The following LPP variants were observed in gnomAD, a reference collection of about 807,000 sequenced individuals.
The protein encoded by LPP is LIM domain containing preferred translocation partner in lipoma.
Under a neutral mutation model 60.4 loss-of-function variants are expected in LPP, and 38 were observed. The ratio of observed to expected loss-of-function variants is 0.63; its 90% CI spans 0.49 to 0.83. LPP has a LOEUF of 0.83. Among genes scored for constraint, LPP ranks in the 40% least tolerant of loss-of-function variants. The pLI is 0.00. For synonymous variants in LPP, 328 were observed against 290.8 expected, an observed-to-expected ratio of 1.13 and a Z score of -1.30; for missense variants, 902 against 783.6, an observed-to-expected ratio of 1.15 and a Z score of -1.80.
At chr3:188,215,713 A>C (rs1294454223) in intron 1 of LPP, among the ~76,000 whole-genome samples, 1 of 152,234 alleles carries the variant, frequency 6.6e-6, no homozygotes, top group East Asian at 1.9e-4. Context: ...GAAGAACAGC[A>C]ACCAGAGACT....
At chr3:188,617,914 G>T (rs1845154369) in intron 7 of LPP, among the ~76,000 whole-genome samples, 1 of 152,006 alleles carries the variant, frequency 6.6e-6, no homozygotes, top group Non-Finnish European at 1.5e-5. Context: ...ATTCCTTTGG[G>T]AATCTCATTT....
intron 5 of LPP, among the ~76,000 whole-genome samples, chr3:188,495,064 T>TATATATATATATATATATATATA (rs1809541137): frequency 1.9e-5 from 1 of 53,880 alleles, no homozygotes; most frequent in Non-Finnish European, 3.3e-5. Context: ...GTTCAGGATT[T>TATATATATATATATATATATATA]TATATATATA....
chr3:188,777,536 C>T (rs1395422133), intron 9 of LPP, among the ~76,000 whole-genome samples: 1 of 152,144 alleles, frequency 6.6e-6, no homozygotes, highest in Non-Finnish European at 1.5e-5. Flanking sequence ...TATGCACTGT[C>T]TTTGGAGATT....
intron 4 of LPP, among the ~76,000 whole-genome samples, chr3:188,408,323 C>G (rs181399565): frequency 6.6e-6 from 1 of 152,206 alleles, no homozygotes; most frequent in African/African-American, 2.4e-5. Flanking sequence ...TCATAAATGG[C>G]ATATATGAGA....
intron 3 of LPP, among the ~76,000 whole-genome samples, chr3:188,381,195 A>ATGC (rs10662367): frequency 0.5 from 75,349 of 151,756 alleles, 19,089 homozygotes; most frequent in East Asian, 0.67. Flanking sequence ...GAATGCAAAC[A>ATGC]CCAAAGTCAG....
intron 7 of LPP, among the ~76,000 whole-genome samples, chr3:188,622,416 T>G (rs1845970220): frequency 6.6e-6 from 1 of 152,182 alleles, no homozygotes; most frequent in Admixed American, 6.5e-5. Context: ...CGTAATTCTG[T>G]CTAGTTGGGA....
chr3:188,668,780 T>C (rs1437557158), intron 7 of LPP, among the ~76,000 whole-genome samples: 3 of 152,198 alleles, frequency 2.0e-5, no homozygotes, highest in African/African-American at 7.2e-5. Context: ...GTAAAAAATA[T>C]CAGGAGCAGC....
chr3:188,512,099 A>G (rs1815862121), intron 5 of LPP, among the ~76,000 whole-genome samples: 1 of 152,234 alleles, frequency 6.6e-6, no homozygotes, highest in Non-Finnish European at 1.5e-5. Flanking sequence ...AAATGATGGA[A>G]TAGCGACGTA....
chr3:188,385,946 A>G (rs1778151927), intron 3 of LPP, among the ~76,000 whole-genome samples: 2 of 152,144 alleles, frequency 1.3e-5, no homozygotes, highest in Non-Finnish European at 2.9e-5. Flanking sequence ...CTCTACTGAG[A>G]TGATTCTTCT....
chr3:188,372,568 G>A (rs1773593184), intron 3 of LPP, among the ~76,000 whole-genome samples: 1 of 151,860 alleles, frequency 6.6e-6, no homozygotes, highest in South Asian at 2.1e-4. Flanking sequence ...ACTCTTGTCA[G>A]TTCTCTTCTG....
chr3:188,286,994 A>G (rs1744141581), intron 2 of LPP, among the ~76,000 whole-genome samples: 1 of 152,094 alleles, frequency 6.6e-6, no homozygotes. Context: ...TCCTCCTCCC[A>G]GCTTCAAGCA....
chr3:188,410,375 G>A (rs1475666842), intron 4 of LPP, among the ~76,000 whole-genome samples: 1 of 152,154 alleles, frequency 6.6e-6, no homozygotes, highest in Non-Finnish European at 1.5e-5. Flanking sequence ...TCTGGAGTTT[G>A]CTTTCCCATG....
At chr3:188,796,940 C>T (rs561201339) in intron 9 of LPP, among the ~76,000 whole-genome samples, 4 of 152,208 alleles carry the variant, frequency 2.6e-5, no homozygotes, top group South Asian at 2.1e-4. Flanking sequence ...TTCTTCATCC[C>T]GTTTCCTGCC....
rs1242179780 is a variant in LPP at position 188,746,093 on chromosome 3, C to T, written c.1241-14020C>T. The stretch of plus-strand genomic sequence containing the variant: ...TTTTCTTTAAGAGACACCATCACTC[C>T]GAGTTGTACCACTTGCACCAGGCTA... On this transcript the variant is annotated intron_variant, in intron 8 of 11. Transcript: ENST00000617246. 2.6e-5 allele frequency among the ~76,000 whole-genome samples: 4 copies of T among 152,200 alleles called. No individual in the cohort carries two copies. The East Asian group carries it at 7.7e-4, about 29-fold the overall frequency.
chr3:188,451,248 C>A (rs898762529), intron 4 of LPP, among the ~76,000 whole-genome samples: 8 of 152,090 alleles, frequency 5.3e-5, no homozygotes, highest in Non-Finnish European at 4.4e-5. Context: ...TAAACAGATT[C>A]AGTCTCTCAA....
intron 3 of LPP, among the ~76,000 whole-genome samples, chr3:188,400,107 G>T (rs1781894199): frequency 6.6e-6 from 1 of 151,836 alleles, no homozygotes; most frequent in East Asian, 1.9e-4. Context: ...GTGGTCCTGT[G>T]GCTTATTATG....
chr3:188,615,237 GT>G (rs1244375568), intron 7 of LPP, among the ~76,000 whole-genome samples: 1 of 152,112 alleles, frequency 6.6e-6, no homozygotes, highest in Non-Finnish European at 1.5e-5. Context: ...CAGCTGATAT[GT>G]TACATTTTTA....
rs143426574 is a variant in LPP, at chr3:188,411,463, C to G, written c.193+5150C>G. ...TACATGAAAAAGACACCTGTGCACA[C>G]ATGTTTATAGCAGCACAATTCTTAA... On this transcript the variant is annotated intron_variant, in intron 4 of 11. Coordinates refer to ENST00000617246, the MANE Select transcript of LPP (RefSeq NM_001375462.1). Among the ~76,000 whole-genome samples, 231 of 152,208 alleles carry G rather than the reference C, an allele frequency of 1.5e-3. 8 individuals are homozygous for G. In the East Asian group the frequency reaches 0.042, roughly 28 times the overall value.
chr3:188,753,705 T>C (rs1728943030), intron 8 of LPP, among the ~76,000 whole-genome samples: 1 of 152,040 alleles, frequency 6.6e-6, no homozygotes, highest in Admixed American at 6.6e-5. Context: ...TCTCCGAAAC[T>C]GTTTTGTGTC....
Sources: allele counts gnomAD v4.1 joint callset (sites outside exome capture counted in the v4.1 genomes callset), GRCh38; gene constraint gnomAD v4.1.1; transcripts MANE v1.5; gene names NCBI Gene and HGNC (gene_info 2026-07-23, HGNC 2026-07-21).